The following PATJ variants were observed in gnomAD, a reference collection of about 807,000 sequenced individuals.
The protein encoded by PATJ is inaD-like protein.
Under a neutral mutation model 224.9 loss-of-function variants are expected in PATJ, and 190 were observed. That is an observed-to-expected ratio of 0.84 (90% CI 0.75 to 0.95). PATJ has a LOEUF of 0.95. Ranked by LOEUF, PATJ falls within the 40% of genes least tolerant of loss-of-function variation. PATJ has a pLI of 0.00. For missense variants in PATJ, 2,121 were observed against 2,270.3 expected, an observed-to-expected ratio of 0.93 and a Z score of 1.34; for synonymous variants, 769 against 820.3, an observed-to-expected ratio of 0.94 and a Z score of 1.07.
chr1:62,129,429 T>G lies in PATJ; in HGVS notation c.5271+484T>G, dbSNP rs145680503. On this transcript the variant is annotated intron_variant, in intron 41 of 43. Coordinates refer to ENST00000642238, the MANE Select transcript of PATJ (RefSeq NM_001350145.3). Reference sequence around the variant, plus strand: ...CCAAGGCAGACAATTGTTTATCAGCTGTGGTCCCCAGCTGTATTGTTCAGA... The same window carrying G: ...CCAAGGCAGACAATTGTTTATCAGCGGTGGTCCCCAGCTGTATTGTTCAGA... Among the ~76,000 whole-genome samples, 16 of 152,352 alleles carry G rather than the reference T, an allele frequency of 1.1e-4. No homozygotes were observed. In the East Asian group the frequency reaches 3.1e-3, roughly 29 times the overall value.
At chr1:61,789,051 C>G (rs961169384) in intron 8 of PATJ, among the ~76,000 whole-genome samples, 3 of 152,090 alleles carry the variant, frequency 2.0e-5, no homozygotes, top group Non-Finnish European at 1.5e-5. Flanking sequence ...GCTTACGCCT[C>G]TAATGCCAGC....
In PATJ at chr1:61,764,475, C is replaced by T. The variant is rs117040036; in HGVS notation, c.189+1296C>T. ...ACCAGAAATTAATTGTTTTAACTGTCCTCTTGGATTCTTTGTTTTGGGGTC... is the reference window on the plus strand; with the variant it reads ...ACCAGAAATTAATTGTTTTAACTGTTCTCTTGGATTCTTTGTTTTGGGGTC... On this transcript the variant is annotated intron_variant, in intron 3 of 43. Transcript: ENST00000642238. Among the ~76,000 whole-genome samples, 21 of 150,000 alleles carry T rather than the reference C, an allele frequency of 1.4e-4. No homozygotes were observed. In the East Asian group the frequency reaches 3.9e-3, roughly 28 times the overall value.
At position 62,121,204 on chromosome 1, in the gene PATJ, C is replaced by T; in HGVS notation, c.4914C>T (p.Ser1638=). The T allele has an allele frequency of 6.2e-7, 1 of 1,613,776 alleles. No individual in the cohort carries two copies. The highest frequency in any genetic ancestry group is 8.5e-7 in the Non-Finnish European group (1 of 1,179,752). ...NSQGSQQSAH[S]SCHPSFAPVI... The stretch of plus-strand genomic sequence containing the variant: ...AGGGTAGTCAGCAGAGTGCACACAG[C>T]AGCTGTCATCCCTCCTTCGCTCCTG... Residue 1638 remains serine (S), a synonymous_variant, in exon 38 of 44, where the codon AGC becomes AGT. Transcript: ENST00000642238.
chr1:62,069,214 C>A (rs1202133207), intron 31 of PATJ, among the ~76,000 whole-genome samples: 1 of 152,162 alleles, frequency 6.6e-6, no homozygotes, highest in Non-Finnish European at 1.5e-5. Flanking sequence ...ACAGTACTTT[C>A]CCTTTCCCTG....
intron 26 of PATJ, among the ~76,000 whole-genome samples, chr1:61,916,601 T>C (rs1235847992): frequency 6.6e-6 from 1 of 152,202 alleles, no homozygotes; most frequent in Non-Finnish European, 1.5e-5. Context: ...TGTAGGTATT[T>C]GTAGATAATC....
intron 33 of PATJ, chr1:62,100,219 T>C (rs144650395): frequency 9.0e-5 from 51 of 565,606 alleles, no homozygotes; most frequent in African/African-American, 7.2e-4. Context: ...ACTATTATTT[T>C]ACCATCAGAA....
chr1:61,824,495 A>G (rs1365449463), intron 15 of PATJ, among the ~76,000 whole-genome samples: 1 of 147,908 alleles, frequency 6.8e-6, no homozygotes, highest in East Asian at 2.0e-4. Flanking sequence ...GTGTGGTCAT[A>G]GCTTACTGCA....
intron 14 of PATJ, among the ~76,000 whole-genome samples, chr1:61,812,354 TAGAGAGAGAGAGAGAGAGAG>T (rs71050165): frequency 0.048 from 5,403 of 111,604 alleles, 442 homozygotes; most frequent in African/African-American, 0.17. Flanking sequence ...GGGGAGGGAA[TAGAGAGAGAGAGAGAGAGAG>T]AGAGAGAGAG....
rs71582647 is a variant in PATJ, at chr1:61,765,066, A to ATTTTTTTTTTTTTTTTTTTTTT, written c.190-1201_190-1180dup. On this transcript the variant is annotated intron_variant, in intron 3 of 43. Coordinates refer to ENST00000642238, the MANE Select transcript of PATJ (RefSeq NM_001350145.3). ...TTTCTTTGAGGTTTTATTGACATTC[A>ATTTTTTTTTTTTTTTTTTTTTT]TTTTTTTTTTTTTTTTTTTTTTTTT... Among the ~76,000 whole-genome samples, 3 of 24,020 alleles carry ATTTTTTTTTTTTTTTTTTTTTT rather than the reference A, an allele frequency of 1.2e-4. 1 individual carries two copies. Among genetic ancestry groups the ATTTTTTTTTTTTTTTTTTTTTT allele is most frequent in the Non-Finnish European group, 2.2e-4 (3 of 13,504 alleles). The allele number at this position is 24,020 out of a possible 152,430, so 15.8% of individuals were successfully genotyped here. A position where few individuals can be genotyped will look rare whatever the true frequency, so the allele number is the denominator to read the frequency against.
chr1:61,795,392 C>A, intron 9 of PATJ, 75 bp from the exon 10 acceptor site: 1 of 756,622 alleles, frequency 1.3e-6, no homozygotes, highest in Non-Finnish European at 2.2e-6. Flanking sequence ...AGCTAATTAA[C>A]CTCTTGATAC....
At chr1:62,109,112 T>C (rs1433308621) in intron 34 of PATJ, among the ~76,000 whole-genome samples, 2 of 152,092 alleles carry the variant, frequency 1.3e-5, no homozygotes, top group Non-Finnish European at 2.9e-5. Flanking sequence ...AAGCAGGCAA[T>C]GTCTGCACTA....
chr1:62,135,265 C>T (rs1666704536), intron 41 of PATJ, among the ~76,000 whole-genome samples: 1 of 151,976 alleles, frequency 6.6e-6, no homozygotes, highest in Middle Eastern at 3.2e-3. Context: ...GCCTGTAATC[C>T]CAGCACTTTG....
At chr1:61,783,848 A>G (rs1420583719) in intron 7 of PATJ, among the ~76,000 whole-genome samples, 1 of 150,574 alleles carries the variant, frequency 6.6e-6, no homozygotes, top group Admixed American at 6.7e-5. Flanking sequence ...CCCAGGTTCA[A>G]GTCTTGTGCC....
intron 30 of PATJ, among the ~76,000 whole-genome samples, chr1:62,041,286 A>G (rs569922338): frequency 6.6e-6 from 1 of 152,290 alleles, no homozygotes; most frequent in African/African-American, 2.4e-5. Context: ...TTTTAGACAA[A>G]TAGAGGGAGA....
chr1:61,812,757 G>A (rs867239775), intron 14 of PATJ, among the ~76,000 whole-genome samples: 1 of 152,050 alleles, frequency 6.6e-6, no homozygotes, highest in African/African-American at 2.4e-5. Context: ...GCTGAAGCAG[G>A]AGAATTGCTT....
At chr1:62,092,199 AAGAC>A (rs1160956894) in intron 33 of PATJ, among the ~76,000 whole-genome samples, 2 of 151,690 alleles carry the variant, frequency 1.3e-5, no homozygotes, top group Admixed American at 6.6e-5. Context: ...GCAACATGGC[AAGAC>A]CCCTGTCTCA....
At chr1:61,896,097 G>C (rs1419884344) in intron 22 of PATJ, among the ~76,000 whole-genome samples, 1 of 152,112 alleles carries the variant, frequency 6.6e-6, no homozygotes, top group African/African-American at 2.4e-5. Flanking sequence ...AGAAGTTTGA[G>C]ACCAGCCTGA....
intron 33 of PATJ, among the ~76,000 whole-genome samples, chr1:62,097,621 A>G (rs1661555964): frequency 6.6e-6 from 1 of 152,220 alleles, no homozygotes; most frequent in Non-Finnish European, 1.5e-5. Context: ...GGTTAACCTG[A>G]CAGCAAGCTC....
chr1:61,829,529 T>C (rs909280382), intron 16 of PATJ, among the ~76,000 whole-genome samples: 1 of 152,236 alleles, frequency 6.6e-6, no homozygotes, highest in Admixed American at 6.5e-5. Flanking sequence ...CTTTGAATCA[T>C]GCTAAATGTC....
Sources: gnomAD v4.1 joint callset for allele counts (sites outside exome capture counted in the v4.1 genomes callset) on GRCh38, gnomAD v4.1.1 for gene constraint, MANE v1.5 for transcripts, NCBI Gene and HGNC (gene_info 2026-07-23, HGNC 2026-07-21) for gene names.